Variants in PBX4 observed in about 807,000 individuals in gnomAD.
PBX4 encodes the protein PBX homeobox 4.
PBX4 carries 26 observed loss-of-function variants against 35.1 expected under a neutral mutation model. The ratio of observed to expected loss-of-function variants is 0.74; its 90% CI spans 0.54 to 1.03. The LOEUF (loss-of-function observed/expected upper bound fraction) is 1.03. Among genes scored for constraint, PBX4 ranks in the 50% least tolerant of loss-of-function variants. The pLI is 0.00. For missense variants in PBX4, 448 were observed against 504.3 expected, an observed-to-expected ratio of 0.89 and a Z score of 1.07; for synonymous variants, 199 against 204.2, an observed-to-expected ratio of 0.97 and a Z score of 0.22.
At chr19:19,575,180 T>C (rs1355936841) in intron 2 of PBX4, among the ~76,000 whole-genome samples, 1 of 146,956 alleles carries the variant, frequency 6.8e-6, no homozygotes, top group Non-Finnish European at 1.5e-5. Flanking sequence ...GAGCTTGCAG[T>C]GAGCCGAGAT....
chr19:19,568,050 A>T (rs190698810), intron 5 of PBX4, among the ~76,000 whole-genome samples: 1 of 148,434 alleles, frequency 6.7e-6, no homozygotes, highest in African/African-American at 2.5e-5. Flanking sequence ...GGGAGCTCAC[A>T]TTCCATCAGT....
At position 19,563,079 on chromosome 19, in the gene PBX4, C is replaced by T. The variant is rs962182482; in HGVS notation, c.1032+430G>A. On this transcript the variant is annotated intron_variant, in intron 7 of 7. Coordinates refer to ENST00000251203, the MANE Select transcript of PBX4 (RefSeq NM_025245.3). The surrounding 1 kb of genome is among the most constrained non-coding windows in gnomAD (Gnocchi z 5.1). ...CTGGGCCTCCTCAGTGTCTTCAAGACGGTCCCCACTCGCTGCCTTCCCAGC... is the reference window on the plus strand; with the variant it reads ...CTGGGCCTCCTCAGTGTCTTCAAGATGGTCCCCACTCGCTGCCTTCCCAGC... 6.6e-6 allele frequency among the ~76,000 whole-genome samples: 1 copy of T among 152,204 alleles called. No individual in the cohort carries two copies. Among genetic ancestry groups the T allele is most frequent in the Non-Finnish European group, 1.5e-5 (1 of 68,028 alleles).
Position 19,570,704 on chromosome 19 carries a change from G to A in PBX4, c.323C>T (p.Ala108Val). The change falls in exon 3 of 8, where the codon GCC becomes GTC. Residue 108 changes from alanine to valine, a missense_variant. Transcript: ENST00000251203. Reference sequence around the variant, plus strand: ...ACAGCCACCTGGTGTTGCTGTGCCGGCCCTGGCCACCGCTCCTCCTCTTCC... The same window carrying A: ...ACAGCCACCTGGTGTTGCTGTGCCGACCCTGGCCACCGCTCCTCCTCTTCC... ...KRGRGGAVAR[A>V]GTATPGGCPN... 6.2e-7 allele frequency: 1 copy of A among 1,614,124 alleles called. No individual in the cohort carries two copies. The highest frequency in any genetic ancestry group is 8.5e-7 in the Non-Finnish European group (1 of 1,180,020).
At chr19:19,617,153 C>T (rs1462703885) in intron 1 of PBX4, among the ~76,000 whole-genome samples, 1 of 152,168 alleles carries the variant, frequency 6.6e-6, no homozygotes, top group Non-Finnish European at 1.5e-5. Flanking sequence ...CCTATCCCTA[C>T]AGCTTTTATT....
At chr19:19,615,156 C>A (rs1222841083) in intron 1 of PBX4, among the ~76,000 whole-genome samples, 1 of 108,552 alleles carries the variant, frequency 9.2e-6, no homozygotes, top group Non-Finnish European at 1.7e-5. Flanking sequence ...CAGAGTGAGA[C>A]CCTGTCTCCA....
intron 1 of PBX4, among the ~76,000 whole-genome samples, chr19:19,610,220 C>A (rs1033080435): frequency 6.6e-6 from 1 of 152,222 alleles, no homozygotes; most frequent in South Asian, 2.1e-4. Flanking sequence ...TCGAGACCAG[C>A]CTGAACAACA....
Position 19,618,578 on chromosome 19 carries a change from C to G in PBX4, c.52G>C (p.Asp18His). The G allele has an allele frequency of 1.5e-6, 2 of 1,330,338 alleles. No individual in the cohort carries two copies. Among genetic ancestry groups the G allele is most frequent in the Non-Finnish European group, 1.9e-6 (2 of 1,035,128 alleles). The allele number at this position is 1,330,338 out of a possible 1,614,324, so 82.4% of individuals were successfully genotyped here. A position where few individuals can be genotyped will look rare whatever the true frequency, so the allele number is the denominator to read the frequency against. Residue 18 changes from aspartate to histidine, a missense_variant, in exon 1 of 8, where the codon GAC becomes CAC. Asp to His is a moderately conservative substitution (Grantham distance 81). Coordinates refer to ENST00000251203, the MANE Select transcript of PBX4 (RefSeq NM_025245.3). ...APSPPAPRRL[D>H]TSDVLQQIMA... ...ATCTGCTGCAGGACGTCGCTCGTGT[C>G]GAGGCGCCGCGGGGCGGGGGGCGAT... is the stretch of plus-strand genomic sequence containing the variant.
chr19:19,611,694 A>AG (rs1230811769), intron 1 of PBX4, among the ~76,000 whole-genome samples: 2 of 151,822 alleles, frequency 1.3e-5, no homozygotes, highest in African/African-American at 2.4e-5. Context: ...AAAAAAAAAA[A>AG]AAAGAAAGAA....
intron 2 of PBX4, among the ~76,000 whole-genome samples, chr19:19,576,213 G>A (rs2061418587): frequency 7.3e-6 from 1 of 136,638 alleles, no homozygotes; most frequent in Admixed American, 7.9e-5. Context: ...AACATGGTGA[G>A]ATCCTGTTTC....
chr19:19,564,591 G>C (rs1222421622), intron 6 of PBX4, among the ~76,000 whole-genome samples: 4 of 152,108 alleles, frequency 2.6e-5, no homozygotes, highest in African/African-American at 9.7e-5. Context: ...AGTAGAGACA[G>C]GGTTTCACCA....
chr19:19,618,388 G>C (rs1338891023), intron 1 of PBX4, 123 bp downstream of exon 1: 3 of 907,712 alleles, frequency 3.3e-6, no homozygotes, highest in African/African-American at 1.8e-5. Context: ...CTTCGTCCTC[G>C]GGACCCCCCT....
At chr19:19,589,868 C>T (rs1476506673) in intron 2 of PBX4, among the ~76,000 whole-genome samples, 1 of 152,156 alleles carries the variant, frequency 6.6e-6, no homozygotes, top group Admixed American at 6.5e-5. Context: ...TGATGCTGGT[C>T]TTCCAGGAAA....
chr19:19,612,080 C>T (rs2144793675), intron 1 of PBX4, among the ~76,000 whole-genome samples: 1 of 152,104 alleles, frequency 6.6e-6, no homozygotes, highest in African/African-American at 2.4e-5. Context: ...ACCAGCTTGG[C>T]CAACATGGTG....
At chr19:19,591,192 G>A (rs1904796652) in intron 2 of PBX4, among the ~76,000 whole-genome samples, 2 of 151,962 alleles carry the variant, frequency 1.3e-5, no homozygotes, top group African/African-American at 4.8e-5. Flanking sequence ...TCAGCCCCAG[G>A]GTACAGCTAA....
rs574171821 is a variant in PBX4, at chr19:19,562,324, G to A, written c.1033-207C>T. ...TTGCCACCTGACATGGGACATGGAC[G>A]AGCTTCCCCGGCAGGAAAACTGGCC... On this transcript the variant is annotated intron_variant, in intron 7 of 7. Coordinates refer to ENST00000251203, the MANE Select transcript of PBX4 (RefSeq NM_025245.3). The surrounding 1 kb of genome is among the most constrained non-coding windows in gnomAD (Gnocchi z 4.8). 9.8e-5 allele frequency among the ~76,000 whole-genome samples: 15 copies of A among 152,314 alleles called. No individual in the cohort carries two copies. Among genetic ancestry groups the A allele is most frequent in the African/African-American group, 3.4e-4 (14 of 41,578 alleles).
chr19:19,602,595 T>C (rs2061604330), intron 1 of PBX4, among the ~76,000 whole-genome samples: 1 of 152,180 alleles, frequency 6.6e-6, no homozygotes, highest in Non-Finnish European at 1.5e-5. Context: ...CATGCCTGGC[T>C]AATTTTTAAA....
Position 19,570,216 on chromosome 19 carries a change from C to T in PBX4, c.525G>A (p.Glu175=), listed in dbSNP as rs1193676183. 6.2e-7 allele frequency: 1 copy of T among 1,614,158 alleles called. No individual in the cohort carries two copies. The highest frequency in any genetic ancestry group is 2.2e-5 in the East Asian group (1 of 44,882). The change falls in exon 4 of 8, where the codon GAG becomes GAA. Residue 175 remains glutamate, a synonymous_variant. Coordinates refer to ENST00000251203, the MANE Select transcript of PBX4 (RefSeq NM_025245.3). ...RMRPVSPKEI[E]RMVGAIHGKF... is the part of the protein sequence containing the mutation. ...TGCCGTGAATGGCGCCGACCATGCG[C>T]TCAATCTCCTTAGGGGAGACAGGCC...
chr19:19,586,676 T>TG (rs1225148994), intron 2 of PBX4, among the ~76,000 whole-genome samples: 1 of 152,026 alleles, frequency 6.6e-6, no homozygotes, highest in Non-Finnish European at 1.5e-5. Context: ...CCGGGCATGA[T>TG]GGCTCCTGCC....
At chr19:19,610,214 G>A (rs940255513) in intron 1 of PBX4, among the ~76,000 whole-genome samples, 7 of 152,150 alleles carry the variant, frequency 4.6e-5, no homozygotes, top group African/African-American at 1.7e-4. Flanking sequence ...GGGAGTTCGA[G>A]ACCAGCCTGA....
Sources: allele counts gnomAD v4.1 joint callset (sites outside exome capture counted in the v4.1 genomes callset), GRCh38; gene constraint gnomAD v4.1.1; non-coding constraint Gnocchi (gnomAD v3.1); transcripts MANE v1.5; gene names NCBI Gene and HGNC (gene_info 2026-07-23, HGNC 2026-07-21).